Variants in ARHGAP15 observed in about 807,000 individuals in gnomAD.
The protein encoded by ARHGAP15 is rho GTPase-activating protein 15.
ARHGAP15 carries 51 observed loss-of-function variants against 63.7 expected under a neutral mutation model. The observed-to-expected ratio is 0.80, with a 90% CI of 0.64 to 1.01. The LOEUF is 1.01. Ranked by LOEUF, ARHGAP15 falls within the 50% of genes least tolerant of loss-of-function variation. The pLI is 0.00. For missense variants in ARHGAP15, 560 were observed against 564.6 expected (o/e 0.99, Z 0.08); for synonymous variants, 191 against 193.8 (o/e 0.99, Z 0.12).
intron 3 of ARHGAP15, among the ~76,000 whole-genome samples, chr2:143,214,125 G>C (rs572493648): frequency 1.3e-5 from 2 of 152,064 alleles, no homozygotes; most frequent in Admixed American, 6.6e-5. Flanking sequence ...TGTCTACCGA[G>C]GGATCTTTTG....
chr2:143,316,068 A>G (rs1319265480), intron 6 of ARHGAP15, among the ~76,000 whole-genome samples: 1 of 152,156 alleles, frequency 6.6e-6, no homozygotes, highest in Non-Finnish European at 1.5e-5. Flanking sequence ...CCTGGGAGAC[A>G]AGAGCGAAAC....
intron 8 of ARHGAP15, among the ~76,000 whole-genome samples, chr2:143,468,838 T>G (rs538863343): frequency 6.6e-6 from 1 of 152,242 alleles, no homozygotes; most frequent in South Asian, 2.1e-4. Flanking sequence ...TATATGGCAA[T>G]GAAGAAGTAA....
chr2:143,360,503 CAA>C (rs61561757), intron 6 of ARHGAP15, among the ~76,000 whole-genome samples: 2 of 146,290 alleles, frequency 1.4e-5, no homozygotes, highest in African/African-American at 2.5e-5. Flanking sequence ...TAAATTTTAG[CAA>C]AAAAAAAAAT....
intron 6 of ARHGAP15, among the ~76,000 whole-genome samples, chr2:143,282,913 A>G (rs973228132): frequency 4.6e-5 from 7 of 152,162 alleles, no homozygotes; most frequent in Non-Finnish European, 1.0e-4. Context: ...GTTACGCTGT[A>G]GCCAGCCCTT....
rs908733810 is a variant in ARHGAP15, at chr2:143,703,484, A to C, written c.1204A>C (p.Asn402His). Residue 402 changes from asparagine to histidine, a missense_variant, in exon 13 of 14, where the codon AAT (asparagine) becomes CAT (histidine). Transcript: ENST00000295095. ...KSLVQKLPPP[N>H]RDTMKVLFGH... ...TCTTGTACAAAAACTCCCTCCGCCA[A>C]ATCGTGACACCATGAAAGTCCTCTT... is the stretch of plus-strand genomic sequence containing the variant. 10 of 1,612,862 alleles carry C rather than the reference A, an allele frequency of 6.2e-6. No homozygotes were observed. The African/African-American group carries it at 9.3e-5, about 15-fold the overall frequency.
At chr2:143,587,701 C>T (rs1025902257) in intron 11 of ARHGAP15, 1 of 469,064 alleles carries the variant, frequency 2.1e-6, no homozygotes, top group African/African-American at 2.0e-5. Context: ...TCTGGAATAC[C>T]AGCCCTTCTA....
At chr2:143,597,986 C>G (rs1374976136) in intron 11 of ARHGAP15, 1 of 152,170 alleles carries the variant, frequency 6.6e-6, no homozygotes, top group Admixed American at 6.6e-5. Context: ...CCTGCAAACC[C>G]TTTTTGTAGT....
intron 6 of ARHGAP15, among the ~76,000 whole-genome samples, chr2:143,392,628 A>G (rs1012310711): frequency 6.6e-6 from 1 of 152,206 alleles, no homozygotes. Context: ...TGGCTGTTTC[A>G]GCAGCTTGAA....
At chr2:143,532,414 G>T (rs1694559986) in intron 10 of ARHGAP15, among the ~76,000 whole-genome samples, 1 of 152,166 alleles carries the variant, frequency 6.6e-6, no homozygotes, top group African/African-American at 2.4e-5. Context: ...TTGGTCTGAT[G>T]ATATATGTAT....
At chr2:143,572,384 T>G (rs1014230519) in intron 11 of ARHGAP15, among the ~76,000 whole-genome samples, 2 of 152,146 alleles carry the variant, frequency 1.3e-5, no homozygotes, top group South Asian at 2.1e-4. Context: ...TCATACTCTA[T>G]GCACACAGCC....
chr2:143,503,602 C>A (rs909012170), intron 9 of ARHGAP15, among the ~76,000 whole-genome samples: 3 of 152,324 alleles, frequency 2.0e-5, no homozygotes, highest in African/African-American at 7.2e-5. Flanking sequence ...CTTAGTATTG[C>A]GTACCAGTCC....
chr2:143,240,463 G>A (rs1693823206), intron 5 of ARHGAP15, among the ~76,000 whole-genome samples: 1 of 152,122 alleles, frequency 6.6e-6, no homozygotes, highest in South Asian at 2.1e-4. Context: ...TTTGTAGAGT[G>A]AGTATTGAGC....
intron 10 of ARHGAP15, among the ~76,000 whole-genome samples, chr2:143,542,454 A>G (rs547929912): frequency 2.3e-4 from 35 of 151,606 alleles, no homozygotes; most frequent in Non-Finnish European, 3.7e-4. Context: ...GAAATCACCC[A>G]TCTTCTGCGT....
At chr2:143,290,498 G>A (rs1233708624) in intron 6 of ARHGAP15, among the ~76,000 whole-genome samples, 1 of 151,664 alleles carries the variant, frequency 6.6e-6, no homozygotes, top group Non-Finnish European at 1.5e-5. Flanking sequence ...GAGCAATATT[G>A]CCAAATCTTC....
chr2:143,328,639 C>T (rs570712025), intron 6 of ARHGAP15, among the ~76,000 whole-genome samples: 10 of 152,110 alleles, frequency 6.6e-5, no homozygotes, highest in East Asian at 3.9e-4. Flanking sequence ...ATGTATGTGA[C>T]GAGTTGATGG....
intron 6 of ARHGAP15, among the ~76,000 whole-genome samples, chr2:143,303,298 A>T (rs1275237800): frequency 1.3e-5 from 2 of 152,092 alleles, no homozygotes; most frequent in East Asian, 1.9e-4. Flanking sequence ...TCTACAAGGA[A>T]CTTAAATTTA....
chr2:143,744,848 A>G (rs1259539165), intron 13 of ARHGAP15, among the ~76,000 whole-genome samples: 1 of 152,200 alleles, frequency 6.6e-6, no homozygotes, highest in East Asian at 1.9e-4. Context: ...GAGGGAGAAA[A>G]TGTACATCCG....
At chr2:143,192,999 T>C (rs1691737580) in intron 2 of ARHGAP15, among the ~76,000 whole-genome samples, 1 of 152,196 alleles carries the variant, frequency 6.6e-6, no homozygotes, top group African/African-American at 2.4e-5. Flanking sequence ...TGTTAGCACT[T>C]GTCATGTGGG....
At chr2:143,462,287 C>G (rs561460849) in intron 8 of ARHGAP15, among the ~76,000 whole-genome samples, 11 of 152,194 alleles carry the variant, frequency 7.2e-5, no homozygotes, top group African/African-American at 2.6e-4. Context: ...TCACTTGTTT[C>G]TAAAATTTTA....
Sources: allele counts gnomAD v4.1 joint callset (sites outside exome capture counted in the v4.1 genomes callset), GRCh38; gene constraint gnomAD v4.1.1; transcripts MANE v1.5; gene names NCBI Gene and HGNC (gene_info 2026-07-23, HGNC 2026-07-21).